Variants in IL18R1 observed in about 807,000 individuals in gnomAD.
The protein encoded by IL18R1 is interleukin 18 receptor 1.
In IL18R1, 40 loss-of-function variants were observed where a neutral mutation model predicts 48.5. The ratio of observed to expected loss-of-function variants is 0.82; its 90% CI spans 0.64 to 1.07. The LOEUF is 1.07. IL18R1 is among the 50% of genes least tolerant of loss of function. IL18R1 has a pLI of 0.00. For synonymous variants in IL18R1, 232 were observed against 225.9 expected (o/e 1.03, Z -0.24); for missense variants, 596 against 633.7 (o/e 0.94, Z 0.64).
chr2:102,369,004 C>A (rs976282400), intron 3 of IL18R1, among the ~76,000 whole-genome samples: 1 of 152,118 alleles, frequency 6.6e-6, no homozygotes, highest in Non-Finnish European at 1.5e-5. Flanking sequence ...TGTTTTTATA[C>A]ATAGGAACTC....
intron 7 of IL18R1, among the ~76,000 whole-genome samples, chr2:102,386,385 G>A (rs1375382605): frequency 1.3e-5 from 2 of 152,226 alleles, no homozygotes; most frequent in Admixed American, 6.5e-5. Flanking sequence ...CGGGGTGCTT[G>A]AGAACAGTGT....
At chr2:102,375,863 T>C (rs1679546596) in intron 4 of IL18R1, 44 bp from the exon 5 acceptor site, 3 of 1,372,708 alleles carry the variant, frequency 2.2e-6, no homozygotes, top group Admixed American at 2.8e-5. Flanking sequence ...TAATATCAAT[T>C]TGGCTTTTAC....
At chr2:102,361,215 CAG>C (rs1240193959) in intron 1 of IL18R1, among the ~76,000 whole-genome samples, 2 of 152,102 alleles carry the variant, frequency 1.3e-5, no homozygotes, top group African/African-American at 4.8e-5. Context: ...AAAGAATAGG[CAG>C]AGTTAATAAT....
At chr2:102,377,388 C>T (rs201380780) in intron 5 of IL18R1, among the ~76,000 whole-genome samples, 2 of 152,222 alleles carry the variant, frequency 1.3e-5, no homozygotes, top group Admixed American at 6.5e-5. Context: ...CCTTGGGGCT[C>T]ACTGCAAGCT....
intron 6 of IL18R1, among the ~76,000 whole-genome samples, chr2:102,382,090 C>A (rs556648454): frequency 6.6e-6 from 1 of 152,004 alleles, no homozygotes; most frequent in East Asian, 1.9e-4. Flanking sequence ...CTGACCAGCA[C>A]GGTGAAACCC....
intron 6 of IL18R1, among the ~76,000 whole-genome samples, chr2:102,383,861 C>G: frequency 6.6e-6 from 1 of 152,060 alleles, no homozygotes; most frequent in South Asian, 2.1e-4. Context: ...TTTCCATCCA[C>G]TTGTTTATCT....
rs1680142422 is a variant in IL18R1 at position 102,384,949 on chromosome 2, G to C, written c.760G>C (p.Glu254Gln). The C allele has an allele frequency of 1.9e-6, 3 of 1,607,494 alleles. No individual in the cohort carries two copies. The highest frequency in any genetic ancestry group is 1.7e-4 in the Middle Eastern group (1 of 6,042). ...EDVIYWMFGE[E>Q]NGSDPNIHEE... ...TGTAATTTATTGGATGTTCGGGGAA[G>C]AAAATGGATCGGATCCTAATATACA... The change falls in exon 7 of 11, where the codon GAA becomes CAA. Residue 254 changes from glutamate to glutamine, a missense_variant. Physicochemically the swap from Glu to Gln is conservative, Grantham distance 29. This residue lies in a region of IL18R1 where 360 missense variants were observed against 339.4 expected (regional missense o/e 1.06). Transcript: ENST00000233957.
At chr2:102,375,531 A>T (rs1679524149) in intron 4 of IL18R1, among the ~76,000 whole-genome samples, 1 of 152,152 alleles carries the variant, frequency 6.6e-6, no homozygotes. Context: ...CATGTATGAA[A>T]TAGAGTTGTG....
At chr2:102,390,621 T>G (rs565676233) in intron 9 of IL18R1, among the ~76,000 whole-genome samples, 1 of 152,226 alleles carries the variant, frequency 6.6e-6, no homozygotes, top group African/African-American at 2.4e-5. Flanking sequence ...CAAAGGAGGC[T>G]TACATAATGG....
At chr2:102,378,486 A>G (rs909206087) in intron 5 of IL18R1, among the ~76,000 whole-genome samples, 1 of 152,216 alleles carries the variant, frequency 6.6e-6, no homozygotes, top group African/African-American at 2.4e-5. Flanking sequence ...TTCTTCTCCC[A>G]TAATTGTCCA....
At chr2:102,394,399 T>A in intron 9 of IL18R1, 70 bp from the exon 10 acceptor site, 3 of 1,260,540 alleles carry the variant, frequency 2.4e-6, no homozygotes, top group Non-Finnish European at 3.3e-6. Flanking sequence ...ACTTACGACA[T>A]TCACTTAAGT....
chr2:102,375,130 G>A (rs1573204431), intron 4 of IL18R1, among the ~76,000 whole-genome samples: 1 of 152,176 alleles, frequency 6.6e-6, no homozygotes, highest in Non-Finnish European at 1.5e-5. Flanking sequence ...GAAGTCTGTG[G>A]GCAGTAGGTT....
intron 1 of IL18R1, among the ~76,000 whole-genome samples, chr2:102,360,591 T>C (rs984686630): frequency 8.5e-5 from 13 of 152,204 alleles, no homozygotes; most frequent in African/African-American, 3.1e-4. Context: ...ACAACATTTA[T>C]AAAAAGTACA....
chr2:102,384,791 G>A (rs1186363147), intron 6 of IL18R1, 87 bp from the exon 7 acceptor site: 4 of 1,502,398 alleles, frequency 2.7e-6, no homozygotes, highest in Non-Finnish European at 3.6e-6. Context: ...TTTTGCTTTA[G>A]GTTAACATAC....
At position 102,356,425 on chromosome 2, in the gene IL18R1, C is replaced by T. The variant is rs965189117; in HGVS notation, c.-29+25C>T. ...GGTAAGGGTGGGCTCCGCTGCCACCCGCATCCCCTCCCCACCCCCCAGAGG... is the reference window on the plus strand; with the variant it reads ...GGTAAGGGTGGGCTCCGCTGCCACCTGCATCCCCTCCCCACCCCCCAGAGG... On this transcript the variant is annotated intron_variant, in intron 1 of 10. Coordinates refer to ENST00000233957, the MANE Select transcript of IL18R1 (RefSeq NM_003855.5). 2.4e-5 allele frequency: 18 copies of T among 741,178 alleles called. No homozygotes were observed. The South Asian group carries it at 8.2e-4, about 34-fold the overall frequency. 45.9% of individuals were successfully genotyped at this position (741,178 alleles called of 1,614,324 possible).
Position 102,397,487 on chromosome 2 carries a change from A to G in IL18R1, c.*601A>G, listed in dbSNP as rs1324215048. ...AGCCAACGGTTCTTGAAAGCTCGGT[A>G]AGGCCCTGCAACGCAGAGCCTGCTT... On this transcript the variant is annotated 3_prime_UTR_variant, in exon 11 of 11. Transcript: ENST00000233957. The G allele has an allele frequency of 6.6e-6, 1 of 152,390 alleles. No homozygotes were observed. The highest frequency in any genetic ancestry group is 1.5e-5 in the Non-Finnish European group (1 of 68,084). 9.4% of individuals were successfully genotyped at this position (152,390 alleles called of 1,614,324 possible).
At position 102,386,867 on chromosome 2, in the gene IL18R1, A is replaced by G. The variant is rs201794709; in HGVS notation, c.816A>G (p.Pro272=). 1.9e-6 allele frequency: 3 copies of G among 1,614,082 alleles called. No individual in the cohort carries two copies. The East Asian group carries it at 6.7e-5, about 36-fold the overall frequency. ...TTATTTTGCCCTCTTACAGGACTCC[A>G]GAAGGCAAATGGCATGCTTCAAAAG... ...HEEKEMRIMT[P]EGKWHASKVL... is the part of the protein sequence containing the mutation. Residue 272 remains proline, a synonymous_variant, in exon 8 of 11, where the codon CCA becomes CCG. Transcript: ENST00000233957.
chr2:102,358,932 C>T (rs1307610552), intron 1 of IL18R1, among the ~76,000 whole-genome samples: 1 of 152,004 alleles, frequency 6.6e-6, no homozygotes, highest in East Asian at 1.9e-4. Flanking sequence ...AACAAGCAGA[C>T]ATAAAGTGAA....
Position 102,394,464 on chromosome 2 carries a change from C to A in IL18R1, c.1112-5C>A. 6.2e-7 allele frequency: 1 copy of A among 1,603,576 alleles called. No individual in the cohort carries two copies. Among genetic ancestry groups the A allele is most frequent in the South Asian group, 1.1e-5 (1 of 89,740 alleles). ...TGAATTAAAAGAGCCAATCTTACCTCCTAGATGGAAAAACATATGATGCTT... is the reference window on the plus strand; with the variant it reads ...TGAATTAAAAGAGCCAATCTTACCTACTAGATGGAAAAACATATGATGCTT... On this transcript the variant is annotated splice_region_variant and splice_polypyrimidine_tract_variant and intron_variant, in intron 9 of 10. Transcript: ENST00000233957.
Sources: gnomAD v4.1 joint callset for allele counts (sites outside exome capture counted in the v4.1 genomes callset) on GRCh38, gnomAD v4.1.1 for gene constraint, gnomAD v4.1.1 regional missense constraint, MANE v1.5 for transcripts, NCBI Gene and HGNC (gene_info 2026-07-23, HGNC 2026-07-21) for gene names.